Variants in LYRM4 observed in about 807,000 individuals in gnomAD.
The protein encoded by LYRM4 is LYR motif containing 4, also known as LYR motif-containing protein 4.
LYRM4 carries 9 observed loss-of-function variants against 11.7 expected under a neutral mutation model. The observed-to-expected ratio is 0.77, with a 90% CI of 0.46 to 1.34. The LOEUF (loss-of-function observed/expected upper bound fraction) is 1.34, where lower values mean the gene tolerates loss of function less well. Among genes scored for constraint, LYRM4 ranks in the 40% most tolerant of loss-of-function variants. LYRM4 has a pLI of 0.00. For synonymous variants in LYRM4, 42 were observed against 40.4 expected (o/e 1.04, Z -0.15); for missense variants, 133 against 112.5 (o/e 1.18, Z -0.82).
chr6:5,182,164 A>AT (rs1183843987), intron 2 of LYRM4, among the ~76,000 whole-genome samples: 1 of 151,846 alleles, frequency 6.6e-6, no homozygotes, highest in South Asian at 2.1e-4. Flanking sequence ...AACTGCAGCT[A>AT]TTTTTTTTCT....
intron 2 of LYRM4, among the ~76,000 whole-genome samples, chr6:5,160,932 A>G (rs1758723172): frequency 1.3e-5 from 2 of 152,184 alleles, no homozygotes; most frequent in South Asian, 2.1e-4. Context: ...CATTTTCTGT[A>G]CCCTATGTTA....
chr6:5,241,529 G>C (rs182830932), intron 1 of LYRM4, among the ~76,000 whole-genome samples: 12 of 152,184 alleles, frequency 7.9e-5, no homozygotes, highest in Admixed American at 7.8e-4. Context: ...ACTGTAACTT[G>C]GCCTCAGTAT....
the LYRM4 span, chr6:5,085,612 G>A: frequency 6.5e-7 from 1 of 1,547,750 alleles, no homozygotes; most frequent in Non-Finnish European, 8.7e-7. Flanking sequence ...CGACGGCGGT[G>A]GCGCTTCGGA....
chr6:5,159,559 T>C (rs1334567552), intron 2 of LYRM4, among the ~76,000 whole-genome samples: 2 of 152,200 alleles, frequency 1.3e-5, no homozygotes, highest in Non-Finnish European at 2.9e-5. Context: ...TAGTGGTCCT[T>C]TACCGCCTAC....
rs17139796 is a variant in LYRM4 at position 5,213,765 on chromosome 6, G to A, written c.207+2853C>T. Among the ~76,000 whole-genome samples, 212 of 152,298 alleles carry A rather than the reference G, an allele frequency of 1.4e-3. 3 individuals carry two copies. The East Asian group carries it at 0.03, about 21-fold the overall frequency. ...TATGATCTCAGGGAACATACTTCATGCATTTATTTAGTCAGTGAAAACTTA... is the reference window on the plus strand; with the variant it reads ...TATGATCTCAGGGAACATACTTCATACATTTATTTAGTCAGTGAAAACTTA... On this transcript the variant is annotated intron_variant, in intron 2 of 2. Transcript: ENST00000330636.
At chr6:5,207,313 G>A (rs1270488411) in intron 2 of LYRM4, among the ~76,000 whole-genome samples, 1 of 151,884 alleles carries the variant, frequency 6.6e-6, no homozygotes, top group African/African-American at 2.4e-5. Context: ...AAGGGCTCAG[G>A]AAATGAGTGC....
the LYRM4 span, chr6:5,086,300 T>C: frequency 6.5e-7 from 1 of 1,535,600 alleles, no homozygotes; most frequent in Non-Finnish European, 8.7e-7. Flanking sequence ...CCCGAGCCGC[T>C]GGAGCCACAG....
chr6:5,086,078 G>A, the LYRM4 span: 1 of 1,468,490 alleles, frequency 6.8e-7, no homozygotes, highest in East Asian at 2.9e-5. Context: ...TCCCGGCTCC[G>A]GCCGCTCTTC....
At chr6:5,114,059 G>T (rs562704603) in intron 2 of LYRM4, among the ~76,000 whole-genome samples, 1 of 152,202 alleles carries the variant, frequency 6.6e-6, no homozygotes, top group Admixed American at 6.5e-5. Flanking sequence ...GGCCAATGAG[G>T]TGTCAGCTGT....
intron 2 of LYRM4, among the ~76,000 whole-genome samples, chr6:5,129,326 TG>T (rs1231955937): frequency 2.0e-5 from 3 of 152,232 alleles, no homozygotes; most frequent in African/African-American, 7.2e-5. Flanking sequence ...CTTACAGTTA[TG>T]GAGGCCAGAA....
At chr6:5,044,169 C>T in the LYRM4 span, among the ~76,000 whole-genome samples, 2 of 151,822 alleles carry the variant, frequency 1.3e-5, no homozygotes, top group Admixed American at 1.3e-4. Context: ...ACTCTTGTCT[C>T]CCAGGCTGGA....
intron 2 of LYRM4, among the ~76,000 whole-genome samples, chr6:5,188,588 A>G (rs2127687972): frequency 6.6e-6 from 1 of 152,284 alleles, no homozygotes; most frequent in Admixed American, 6.5e-5. Context: ...AGTCTGAGTG[A>G]TCTGGGTGTG....
chr6:5,186,676 G>A (rs930464284), intron 2 of LYRM4: 5 of 985,388 alleles, frequency 5.1e-6, no homozygotes, highest in Non-Finnish European at 6.0e-6. Context: ...GAAGTGAAAT[G>A]TAACTACATA....
the LYRM4 span, among the ~76,000 whole-genome samples, chr6:5,064,135 G>A: frequency 6.6e-6 from 1 of 152,050 alleles, no homozygotes; most frequent in Non-Finnish European, 1.5e-5. Flanking sequence ...AAGGGACCCA[G>A]GTTTTAGAAT....
At chr6:5,066,271 G>A in the LYRM4 span, 20 of 716,406 alleles carry the variant, frequency 2.8e-5, no homozygotes, top group South Asian at 1.1e-4. Flanking sequence ...GGGATCTGCC[G>A]TTAGTTTCTG....
intron 2 of LYRM4, among the ~76,000 whole-genome samples, chr6:5,119,794 CAAAAAAA>C (rs968606439): frequency 8.9e-4 from 15 of 16,876 alleles, no homozygotes; most frequent in Non-Finnish European, 1.5e-3. Context: ...GTCTCCATAA[CAAAAAAA>C]AAAAAAAAAA....
chr6:5,225,635 C>T (rs911493777), intron 1 of LYRM4, among the ~76,000 whole-genome samples: 1 of 152,082 alleles, frequency 6.6e-6, no homozygotes, highest in African/African-American at 2.4e-5. Flanking sequence ...AGGTTGTCTC[C>T]AATTGTGCTA....
rs1561899168 is a variant in LYRM4 at position 5,245,148 on chromosome 6, ATATATATATATATAT to A, written c.86+15485_86+15499del. On this transcript the variant is annotated intron_variant, in intron 1 of 2. Transcript: ENST00000330636. ...TATATATATATATATATATATATAT[ATATATATATATATAT>A]AAAATAGGTGAATTTCTGGAACAAA... 6.7e-5 allele frequency among the ~76,000 whole-genome samples: 7 copies of A among 104,190 alleles called. No individual in the cohort carries two copies. The South Asian group carries it at 1.1e-3, about 16-fold the overall frequency. The allele number at this position is 104,190 out of a possible 152,430, so 68.4% of individuals were successfully genotyped here. A position where few individuals can be genotyped will look rare whatever the true frequency, so the allele number is the denominator to read the frequency against.
intron 2 of LYRM4, among the ~76,000 whole-genome samples, chr6:5,196,566 A>T (rs1037332799): frequency 3.3e-5 from 5 of 152,230 alleles, no homozygotes; most frequent in African/African-American, 1.2e-4. Context: ...AAGAGTGCTC[A>T]CTGTCCGACC....
Sources: allele counts gnomAD v4.1 joint callset (sites outside exome capture counted in the v4.1 genomes callset), GRCh38; gene constraint gnomAD v4.1.1; transcripts MANE v1.5; gene names NCBI Gene and HGNC (gene_info 2026-07-23, HGNC 2026-07-21).